The following KCP variants were observed in gnomAD, a reference collection of about 807,000 sequenced individuals.
KCP encodes kielin cysteine rich BMP regulator.
Under a neutral mutation model 212.7 loss-of-function variants are expected in KCP, and 194 were observed. The ratio of observed to expected loss-of-function variants is 0.91; its 90% CI spans 0.81 to 1.03. The LOEUF is 1.03. Ranked by LOEUF, KCP falls within the 50% of genes least tolerant of loss-of-function variation. The pLI is 0.00. For missense variants in KCP, 2,080 were observed against 2,162.5 expected (o/e 0.96, Z 0.76); for synonymous variants, 833 against 865.3 (o/e 0.96, Z 0.65).
chr7:128,896,315 C>T (rs1177521848), intron 8 of KCP, among the ~76,000 whole-genome samples: 1 of 152,070 alleles, frequency 6.6e-6, no homozygotes, highest in Non-Finnish European at 1.5e-5. Context: ...TAATAAAAGG[C>T]AAGGATGCTT....
Position 128,877,186 on chromosome 7 carries a change from GCACGCAGGGCCT to G in KCP, c.4732_4743del (p.Arg1578_Val1581del). 1.3e-6 allele frequency: 2 copies of G among 1,486,364 alleles called. No homozygotes were observed. Among genetic ancestry groups the G allele is most frequent in the South Asian group, 1.4e-5 (1 of 74,036 alleles). 92.1% of individuals were successfully genotyped at this position (1,486,364 alleles called of 1,614,324 possible). ...AGGCCTGCAGGGCACTGGCAGCCGG[GCACGCAGGGCCT>G]CACGCAGTGGGCTGCCAGCTCCCCC... On this transcript the variant is annotated inframe_deletion, in exon 40 of 40. Coordinates refer to ENST00000610776, the MANE Select transcript of KCP (RefSeq NM_001366122.1).
At position 128,885,410 on chromosome 7, in the gene KCP, A is replaced by C. The variant is rs1793590980; in HGVS notation, c.2867-140T>G. The stretch of plus-strand genomic sequence containing the variant: ...ATATGGCGGGAAGGTGCGATGGGGC[A>C]GAACTCCTGTCTGTTGTGGAGGGGA... On this transcript the variant is annotated intron_variant, in intron 26 of 39. Coordinates refer to ENST00000610776, the MANE Select transcript of KCP (RefSeq NM_001366122.1). The C allele has an allele frequency of 2.0e-5, 16 of 815,386 alleles. No individual in the cohort carries two copies. In the South Asian group the frequency reaches 2.8e-4, roughly 14 times the overall value. 50.5% of individuals were successfully genotyped at this position (815,386 alleles called of 1,614,324 possible). A position where few individuals can be genotyped will look rare whatever the true frequency, so the allele number is the denominator to read the frequency against.
At chr7:128,909,225 G>A (rs1795305707) in intron 1 of KCP, among the ~76,000 whole-genome samples, 1 of 152,208 alleles carries the variant, frequency 6.6e-6, no homozygotes, top group Non-Finnish European at 1.5e-5. Context: ...GAGGGGAAGA[G>A]GCAGACATAG....
rs1585192899 is a variant in KCP at position 128,879,796 on chromosome 7, G to T, written c.3966C>A (p.Ser1322Arg). The T allele has an allele frequency of 6.4e-7, 1 of 1,550,750 alleles. No homozygotes were observed. The highest frequency in any genetic ancestry group is 8.7e-7 in the Non-Finnish European group (1 of 1,146,970). ...VHVTNDDRGRSGVAWTQEVAV... is the reference protein window; with the variant it reads ...VHVTNDDRGRRGVAWTQEVAV... ...CCACCTCCTGGGTCCAGGCCACACC[G>T]CTCCGGCCCCGGTCATCATTGGTCA... The change falls in exon 36 of 40, where the codon AGC becomes AGA. Residue 1322 changes from serine to arginine, a missense_variant. Ser to Arg is a moderately radical substitution (Grantham distance 110, BLOSUM62 -1). Transcript: ENST00000610776.
chr7:128,882,200 T>C (rs964509541), intron 29 of KCP, among the ~76,000 whole-genome samples, 184 bp from the exon 30 acceptor site: 2 of 152,184 alleles, frequency 1.3e-5, no homozygotes, highest in African/African-American at 4.8e-5. Flanking sequence ...GTTTACACGT[T>C]TTAAAAGAAA....
At chr7:128,888,025 A>G (rs1793798925) in intron 22 of KCP, among the ~76,000 whole-genome samples, 1 of 123,156 alleles carries the variant, frequency 8.1e-6, no homozygotes. Context: ...ACACAGCCAC[A>G]CACACACATA....
In KCP at chr7:128,892,982, T is replaced by C. The variant is rs1473879537; in HGVS notation, c.1307A>G (p.Gln436Arg). The change falls in exon 14 of 40, where the codon CAG (glutamine) becomes CGG (arginine). Residue 436 changes from glutamine to arginine, a missense_variant. Gln to Arg is a conservative substitution (Grantham distance 43). Coordinates refer to ENST00000610776, the MANE Select transcript of KCP (RefSeq NM_001366122.1). ...GCAGGGCCGACCATCAGGCTCCCAC[T>C]GGACTCCCTCAGCAAACTCCTCTCC... ...LDGEEFAEGV[Q>R]WEPDGRPCTA... 1 of 1,124,980 alleles carries C rather than the reference T, an allele frequency of 8.9e-7. No individual in the cohort carries two copies. The highest frequency in any genetic ancestry group is 1.3e-6 in the Non-Finnish European group (1 of 757,372). The allele number at this position is 1,124,980 out of a possible 1,614,324, so 69.7% of individuals were successfully genotyped here. A position where few individuals can be genotyped will look rare whatever the true frequency, so the allele number is the denominator to read the frequency against.
In KCP at chr7:128,892,769, G is replaced by A. The variant is rs1305673486; in HGVS notation, c.1446C>T (p.Ser482=). ...CATACACTTGGCTGTGGTAGGTGCA[G>A]CTGTCACAGCTGGGGCAGCAGGCAC... ...PPGACCPSCD[S]CTYHSQVYAN... Residue 482 remains serine (S), a synonymous_variant, in exon 15 of 40, where the codon AGC becomes AGT. Coordinates refer to ENST00000610776, the MANE Select transcript of KCP (RefSeq NM_001366122.1). The A allele has an allele frequency of 2.6e-6, 4 of 1,551,688 alleles. No homozygotes were observed. The highest frequency in any genetic ancestry group is 2.4e-5 in the South Asian group (2 of 84,066).
intron 16 of KCP, 51 bp downstream of exon 16, chr7:128,892,463 C>A (rs1330118050): frequency 1.5e-6 from 2 of 1,351,086 alleles, no homozygotes; most frequent in Non-Finnish European, 2.0e-6. Context: ...GGCTGTGGGA[C>A]AGCAGCCTCT....
chr7:128,891,809 C>T lies in KCP; in HGVS notation c.1632G>A (p.Leu544=), dbSNP rs1255559432. The T allele has an allele frequency of 2.8e-6, 4 of 1,448,186 alleles. No individual in the cohort carries two copies. The South Asian group carries it at 5.9e-5, about 21-fold the overall frequency. The allele number at this position is 1,448,186 out of a possible 1,614,324, so 89.7% of individuals were successfully genotyped here. Residue 544 remains leucine, a synonymous_variant, in exon 17 of 40, where the codon CTG becomes CTA. Transcript: ENST00000610776. The part of the protein sequence containing the change: ...QCCPRCPDCI[L]EEEVFVDGES... Reference sequence around the variant, plus strand: ...CGCCGTCCACAAACACCTCTTCCTCCAGGATGCAGTCTGGGCAGTGGATGG... The same window carrying T: ...CGCCGTCCACAAACACCTCTTCCTCTAGGATGCAGTCTGGGCAGTGGATGG...
intron 2 of KCP, 71 bp downstream of exon 2, chr7:128,908,355 A>AACTCCTTC: frequency 6.9e-7 from 1 of 1,444,290 alleles, no homozygotes; most frequent in South Asian, 1.4e-5. Flanking sequence ...CTCCAAGCCT[A>AACTCCTTC]ACTCCTTCTC....
intron 1 of KCP, among the ~76,000 whole-genome samples, chr7:128,909,800 C>T (rs143845874): frequency 1.4e-4 from 22 of 152,310 alleles, no homozygotes; most frequent in African/African-American, 5.1e-4. Context: ...ACTCAGTTCC[C>T]GCACCCTGGG....
chr7:128,890,807 C>T (rs1563034615), intron 20 of KCP, 98 bp downstream of exon 20: 4 of 1,033,152 alleles, frequency 3.9e-6, no homozygotes, highest in Admixed American at 3.2e-5. Context: ...CCGACGTGGG[C>T]GGAGCGGGCC....
chr7:128,896,510 G>A (rs1336134480), intron 8 of KCP, among the ~76,000 whole-genome samples: 1 of 152,166 alleles, frequency 6.6e-6, no homozygotes, highest in African/African-American at 2.4e-5. Context: ...ATGGGTGACA[G>A]GATTAGGCAA....
intron 20 of KCP, 52 bp from the exon 21 acceptor site, chr7:128,890,565 G>A: frequency 6.8e-7 from 1 of 1,467,078 alleles, no homozygotes; most frequent in Non-Finnish European, 9.1e-7. Flanking sequence ...GGGCTGTGGG[G>A]ACTTGGTGGT....
At chr7:128,910,172 T>C (rs1020663459) in intron 1 of KCP, among the ~76,000 whole-genome samples, 3 of 152,134 alleles carry the variant, frequency 2.0e-5, no homozygotes, top group African/African-American at 4.8e-5. Flanking sequence ...CCCCAAGGAA[T>C]TGTCCCGGGT....
rs908924416 is a variant in KCP at position 128,888,850 on chromosome 7, G to A, written c.2512+13C>T. ...CCCCAGCAGGGGGAATGGAAGGGCA[G>A]GTGTGGCTCTACCCTGGCAGGTCGG... On this transcript the variant is annotated intron_variant, in intron 22 of 39. Transcript: ENST00000610776. The A allele has an allele frequency of 6.5e-7, 1 of 1,546,476 alleles. No individual in the cohort carries two copies. Among genetic ancestry groups the A allele is most frequent in the Non-Finnish European group, 8.7e-7 (1 of 1,145,874 alleles).
chr7:128,891,303 G>A, intron 18 of KCP, 25 bp from the exon 19 acceptor site: 1 of 1,547,572 alleles, frequency 6.5e-7, no homozygotes, highest in South Asian at 1.2e-5. Flanking sequence ...ACGCACCACG[G>A]GTCAGTGGGT....
intron 5 of KCP, among the ~76,000 whole-genome samples, chr7:128,904,693 C>T (rs1473573239): frequency 6.6e-6 from 1 of 152,218 alleles, no homozygotes; most frequent in Non-Finnish European, 1.5e-5. Context: ...TCCCCAACCC[C>T]GTGGCCCTGG....
Sources: gnomAD v4.1 joint callset for allele counts (sites outside exome capture counted in the v4.1 genomes callset) on GRCh38, gnomAD v4.1.1 for gene constraint, MANE v1.5 for transcripts, NCBI Gene and HGNC (gene_info 2026-07-23, HGNC 2026-07-21) for gene names.